The following TGM7 variants were observed in gnomAD, a reference collection of about 807,000 sequenced individuals.
TGM7 encodes transglutaminase 7.
In TGM7, 74 loss-of-function variants were observed where a neutral mutation model predicts 79.5. The ratio of observed to expected loss-of-function variants is 0.93; its 90% confidence interval spans 0.77 to 1.13. The LOEUF is 1.13. Among genes scored for constraint, TGM7 ranks in the 50% most tolerant of loss-of-function variants. TGM7 has a pLI of 0.00. For synonymous variants in TGM7, 354 were observed against 362.5 expected, an observed-to-expected ratio of 0.98 and a Z score of 0.27; for missense variants, 912 against 905.9, an observed-to-expected ratio of 1.01 and a Z score of -0.09.
intron 11 of TGM7, 44 bp from the exon 12 acceptor site, chr15:43,277,039 C>A (rs2042881725): frequency 6.2e-7 from 1 of 1,601,884 alleles, no homozygotes; most frequent in Non-Finnish European, 8.5e-7. Flanking sequence ...ACTGGCCTCG[C>A]TTCTGCACTC....
intron 1 of TGM7, among the ~76,000 whole-genome samples, chr15:43,301,223 C>T (rs985743188): frequency 6.6e-6 from 1 of 151,974 alleles, no homozygotes; most frequent in African/African-American, 2.4e-5. Context: ...GCTCAAGCGA[C>T]CCGCTTGCCT....
At chr15:43,280,993 C>G (rs906510903) in intron 9 of TGM7, among the ~76,000 whole-genome samples, 1 of 152,184 alleles carries the variant, frequency 6.6e-6, no homozygotes, top group Non-Finnish European at 1.5e-5. Context: ...TAATTGAGCA[C>G]AGGTTCAGAT....
At chr15:43,284,441 G>T (rs1382206649) in intron 7 of TGM7, among the ~76,000 whole-genome samples, 1 of 152,132 alleles carries the variant, frequency 6.6e-6, no homozygotes, top group African/African-American at 2.4e-5. Context: ...GACAAGAAGA[G>T]GTCTACAGAA....
At chr15:43,277,378 G>A (rs2042883472) in intron 11 of TGM7, among the ~76,000 whole-genome samples, 1 of 152,230 alleles carries the variant, frequency 6.6e-6, no homozygotes, top group African/African-American at 2.4e-5. Context: ...TCTAACACAG[G>A]TGTGGGATAA....
chr15:43,280,657 TG>T (rs2042903264), intron 9 of TGM7, among the ~76,000 whole-genome samples: 2 of 151,808 alleles, frequency 1.3e-5, no homozygotes, highest in Non-Finnish European at 2.9e-5. Context: ...CTCTTGCCCA[TG>T]GGGGCTACTT....
rs757085449 is a variant in TGM7, at chr15:43,292,671, G to A, written c.439+38C>T. 7 of 1,606,398 alleles carry A rather than the reference G, an allele frequency of 4.4e-6. No individual in the cohort carries two copies. The Admixed American group carries it at 1.0e-4, about 23-fold the overall frequency. On this transcript the variant is annotated intron_variant, in intron 3 of 12. Transcript: ENST00000452443. ...AAGAACCTCACAGGGCCTTCCCAAT[G>A]GATCAGGTTAGCAATACAAGCTGTG... is the stretch of plus-strand genomic sequence containing the variant.
chr15:43,289,125 A>G (rs1178380437), intron 4 of TGM7, among the ~76,000 whole-genome samples: 5 of 151,686 alleles, frequency 3.3e-5, no homozygotes, highest in African/African-American at 1.2e-4. Context: ...GGTTAGTTAC[A>G]TATGTATACA....
intron 6 of TGM7, among the ~76,000 whole-genome samples, chr15:43,285,849 A>AAC (rs57197257): frequency 0.47 from 71,166 of 150,204 alleles, 21,187 homozygotes; most frequent in African/African-American, 0.85. Context: ...CATACACACA[A>AAC]ACACACACAC....
chr15:43,291,947 C>T lies in TGM7; in HGVS notation c.558+32G>A. 5 of 1,546,878 alleles carry T rather than the reference C, an allele frequency of 3.2e-6. No homozygotes were observed. In the South Asian group the frequency reaches 5.6e-5, roughly 17 times the overall value. ...GTGTAAGGACCAGCCTTAGGGAGCC[C>T]ACCCCAGGCCCACATTGGGTAATAG... On this transcript the variant is annotated intron_variant, in intron 4 of 12. Coordinates refer to ENST00000452443, the MANE Select transcript of TGM7 (RefSeq NM_052955.3).
chr15:43,276,680 T>C, intron 12 of TGM7, 66 bp from the exon 13 acceptor site: 1 of 1,569,784 alleles, frequency 6.4e-7, no homozygotes, highest in African/African-American at 1.3e-5. Context: ...GTGATCTGGT[T>C]CCCCTCTGGG....
intron 8 of TGM7, among the ~76,000 whole-genome samples, 158 bp downstream of exon 8, chr15:43,282,359 G>T (rs1050857288): frequency 6.6e-6 from 1 of 152,158 alleles, no homozygotes; most frequent in African/African-American, 2.4e-5. Context: ...TCTGTCAATG[G>T]TAGAGTTAGA....
At chr15:43,294,892 C>G (rs74902964) in intron 1 of TGM7, among the ~76,000 whole-genome samples, 2,740 of 151,542 alleles carry the variant, frequency 0.018, 61 homozygotes, top group African/African-American at 0.061. Context: ...TCTTTCCTAC[C>G]TATCTTGATC....
rs111878542 is a variant in TGM7 at position 43,277,098 on chromosome 15, C to T, written c.1840-103G>A. On this transcript the variant is annotated intron_variant, in intron 11 of 12. Transcript: ENST00000452443. Reference sequence around the variant, plus strand: ...GGTCCCTGGCGACCACCAGGAACTGCGGCTTAGAGCTAATGTGCCACAGTG... The same window carrying T: ...GGTCCCTGGCGACCACCAGGAACTGTGGCTTAGAGCTAATGTGCCACAGTG... The T allele has an allele frequency of 1.6e-3, 2,262 of 1,452,806 alleles. 10 individuals are homozygous for T. The highest frequency in any genetic ancestry group is 9.7e-3 in the Middle Eastern group (42 of 4,330). The allele number at this position is 1,452,806 out of a possible 1,614,324, so 90.0% of individuals were successfully genotyped here.
rs1215650646 is a variant in TGM7, at chr15:43,279,193, G to A, written c.1763C>T (p.Ala588Val). The change falls in exon 11 of 13, where the codon GCG becomes GTG. Residue 588 changes from alanine to valine, a missense_variant. By Grantham distance (64) the Ala-to-Val change is moderately conservative (BLOSUM62 0). Transcript: ENST00000452443. ...GGACCTCCCTGTCTCTTCAACCTCCGCGATGCCAGACACGCGGATGAGCTT... is the reference window on the plus strand; with the variant it reads ...GGACCTCCCTGTCTCTTCAACCTCCACGATGCCAGACACGCGGATGAGCTT... The part of the protein sequence containing the change: ...DEKLIRVSGI[A>V]EVEETGRSML... 5.6e-6 allele frequency: 9 copies of A among 1,614,074 alleles called. No homozygotes were observed. The highest frequency in any genetic ancestry group is 1.7e-5 in the Admixed American group (1 of 60,020).
rs761585519 is a variant in TGM7, at chr15:43,292,750, G to T, written c.398C>A (p.Pro133Gln). The stretch of plus-strand genomic sequence containing the variant: ...AAAAAGTAGGATGAAAGTTCCCAGC[G>T]GGTAAGTCACACTGTGACCTTGGCC... ...SQGQGHSVTY[P>Q]LGTFILLFNP... Residue 133 changes from proline (P) to glutamine (Q), a missense_variant, in exon 3 of 13, where the codon CCG (proline) becomes CAG (glutamine). Pro to Gln is a moderately conservative substitution (Grantham distance 76). Transcript: ENST00000452443. The T allele has an allele frequency of 1.2e-6, 2 of 1,614,142 alleles. No homozygotes were observed. Among genetic ancestry groups the T allele is most frequent in the South Asian group, 2.2e-5 (2 of 91,086 alleles).
chr15:43,290,061 T>C (rs2042956208), intron 4 of TGM7, among the ~76,000 whole-genome samples: 2 of 152,224 alleles, frequency 1.3e-5, no homozygotes, highest in Non-Finnish European at 2.9e-5. Context: ...AGAAGCTCTT[T>C]AGTTTAATTA....
chr15:43,281,391 G>A (rs899433915), intron 9 of TGM7, among the ~76,000 whole-genome samples: 3 of 152,202 alleles, frequency 2.0e-5, no homozygotes, highest in South Asian at 2.1e-4. Context: ...ATAGGGAGAC[G>A]GTGGTGCCAC....
intron 1 of TGM7, among the ~76,000 whole-genome samples, chr15:43,297,853 A>G (rs2043007341): frequency 6.6e-6 from 1 of 152,292 alleles, no homozygotes; most frequent in Admixed American, 6.5e-5. Context: ...GTCACTTTCT[A>G]TCACAACACC....
intron 4 of TGM7, among the ~76,000 whole-genome samples, chr15:43,288,651 A>T (rs1281254110): frequency 1.3e-5 from 2 of 152,254 alleles, no homozygotes; most frequent in South Asian, 4.1e-4. Context: ...CTTAAAAAAA[A>T]ATTTGCCGGC....
Sources: allele counts gnomAD v4.1 joint callset (sites outside exome capture counted in the v4.1 genomes callset), GRCh38; gene constraint gnomAD v4.1.1; transcripts MANE v1.5; gene names NCBI Gene and HGNC (gene_info 2026-07-23, HGNC 2026-07-21).